The following PLAAT5 variants were observed in gnomAD, a reference collection of about 807,000 sequenced individuals.
PLAAT5 encodes the protein Ca(2+)-independent N-acyltransferase.
A neutral mutation model predicts 27.8 loss-of-function variants in PLAAT5; 27 were observed. The ratio of observed to expected loss-of-function variants is 0.97; its 90% CI spans 0.72 to 1.34. The LOEUF (loss-of-function observed/expected upper bound fraction) is 1.34. Among genes scored for constraint, PLAAT5 ranks in the 40% most tolerant of loss-of-function variants. The pLI, the probability that PLAAT5 is intolerant of heterozygous loss-of-function variation, is 0.00. For synonymous variants in PLAAT5, 125 were observed against 136.1 expected (o/e 0.92, Z 0.57); for missense variants, 368 against 343.8 (o/e 1.07, Z -0.56).
intron 3 of PLAAT5, among the ~76,000 whole-genome samples, chr11:63,477,631 A>C (rs1355000587): frequency 6.6e-6 from 1 of 152,084 alleles, no homozygotes. Context: ...GCCTGCCACC[A>C]TGCACAGCTA....
rs1175679278 is a variant in PLAAT5, at chr11:63,466,093, A to G, written c.717+17T>C. 1 of 1,610,508 alleles carries G rather than the reference A, an allele frequency of 6.2e-7. No individual in the cohort carries two copies. Among genetic ancestry groups the G allele is most frequent in the Non-Finnish European group, 8.5e-7 (1 of 1,178,064 alleles). ...AAGCTCTGGAAGAAGCCATCATCAG[A>G]GCAAATGGGGTCACACCTGCTGGCT... On this transcript the variant is annotated intron_variant, in intron 5 of 5. Coordinates refer to ENST00000540857, the MANE Select transcript of PLAAT5 (RefSeq NM_001146729.2).
Position 63,463,574 on chromosome 11 carries a change from C to A in PLAAT5, c.739G>T (p.Gly247Ter). ...SQQVEHALME[G>*]AKAAGAVISA... ...ATAACTGCTCCAGCAGCCTTCGCTCCTTCCATCAGGGCGTGCTCTACCTGC... is the reference window on the plus strand; with the variant it reads ...ATAACTGCTCCAGCAGCCTTCGCTCATTCCATCAGGGCGTGCTCTACCTGC... The change falls in exon 6 of 6, where the codon GGA becomes TGA. Residue 247 changes from glycine to a stop codon, truncating the protein, a stop_gained. Coordinates refer to ENST00000540857, the MANE Select transcript of PLAAT5 (RefSeq NM_001146729.2). LOFTEE classifies it high-confidence loss of function. 6.2e-7 allele frequency: 1 copy of A among 1,613,750 alleles called. No individual in the cohort carries two copies. Among genetic ancestry groups the A allele is most frequent in the Non-Finnish European group, 8.5e-7 (1 of 1,179,988 alleles).
intron 3 of PLAAT5, among the ~76,000 whole-genome samples, chr11:63,483,533 A>G (rs569117456): frequency 5.3e-5 from 8 of 151,568 alleles, no homozygotes; most frequent in African/African-American, 1.9e-4. Flanking sequence ...AAATCAAGAC[A>G]GAAATTTAAA....
rs759441269 is a variant in PLAAT5, at chr11:63,490,915, C to A, written c.120G>T (p.Ala40=). 1.2e-6 allele frequency: 2 copies of A among 1,602,120 alleles called. No individual in the cohort carries two copies. Among genetic ancestry groups the A allele is most frequent in the Non-Finnish European group, 1.7e-6 (2 of 1,174,674 alleles). ...ASTGPKDQPP[A]LRRSAVPHSE... The stretch of plus-strand genomic sequence containing the variant: ...AGTGGGGCACAGCTGAACGTCTGAG[C>A]GCAGGCGGCTGGTCCTTGGGCCCGG... The change falls in exon 1 of 6, where the codon GCG becomes GCT. Residue 40 remains alanine, a synonymous_variant. Coordinates refer to ENST00000540857, the MANE Select transcript of PLAAT5 (RefSeq NM_001146729.2).
At chr11:63,478,642 A>G (rs1343044885) in intron 3 of PLAAT5, among the ~76,000 whole-genome samples, 2 of 152,342 alleles carry the variant, frequency 1.3e-5, no homozygotes, top group East Asian at 1.9e-4. Flanking sequence ...AACCCTTCTC[A>G]ATCTGTTGTA....
intron 3 of PLAAT5, among the ~76,000 whole-genome samples, chr11:63,483,531 AC>A (rs2016334129): frequency 1.3e-5 from 2 of 151,534 alleles, no homozygotes; most frequent in African/African-American, 4.8e-5. Context: ...TGAAATCAAG[AC>A]AGAAATTTAA....
chr11:63,467,302 G>A (rs1048524303), intron 4 of PLAAT5, among the ~76,000 whole-genome samples: 1 of 152,288 alleles, frequency 6.6e-6, no homozygotes, highest in South Asian at 2.1e-4. Flanking sequence ...TATCTCTGTG[G>A]TTGTACAAGA....
chr11:63,481,962 T>G lies in PLAAT5; in HGVS notation c.345+6909A>C, dbSNP rs543247975. Among the ~76,000 whole-genome samples the G allele has an allele frequency of 2.0e-5, 3 of 152,252 alleles. No homozygotes were observed. In the South Asian group the frequency reaches 6.2e-4, roughly 32 times the overall value. ...AGGAGACATACCTAATGCTAAATGA[T>G]GAGTTAATAGGTGCAGCGCACCAAC... On this transcript the variant is annotated intron_variant, in intron 3 of 5. Coordinates refer to ENST00000540857, the MANE Select transcript of PLAAT5 (RefSeq NM_001146729.2).
intron 3 of PLAAT5, among the ~76,000 whole-genome samples, chr11:63,478,606 C>T (rs1435919085): frequency 6.6e-6 from 1 of 152,214 alleles, no homozygotes; most frequent in Non-Finnish European, 1.5e-5. Flanking sequence ...AGCCCACGCC[C>T]GACCACGGAT....
At chr11:63,482,132 A>C (rs1002671741) in intron 3 of PLAAT5, among the ~76,000 whole-genome samples, 20 of 152,232 alleles carry the variant, frequency 1.3e-4, no homozygotes, top group African/African-American at 4.6e-4. Flanking sequence ...CAAATGACCA[A>C]AACTAAAAAT....
rs777307303 is a variant in PLAAT5, at chr11:63,490,861, CCTTCAGCCGCATTCTTGGGG to C, written c.148+6_148+25del. On this transcript the variant is annotated splice_donor_region_variant and intron_variant, in intron 1 of 5. Transcript: ENST00000540857. ...GACCTGAAGGACAATTGCGGATTGTCCTTCAGCCGCATTCTTGGGGCTGACCTGAGTGGGGCACAGCTGAA... is the reference window on the plus strand; with the variant it reads ...GACCTGAAGGACAATTGCGGATTGTCCTGACCTGAGTGGGGCACAGCTGAA... 19 of 1,587,462 alleles carry C rather than the reference CCTTCAGCCGCATTCTTGGGG, an allele frequency of 1.2e-5. 1 individual carries two copies. In the South Asian group the frequency reaches 2.2e-4, roughly 18 times the overall value.
At chr11:63,489,815 G>A (rs990992559) in intron 2 of PLAAT5, among the ~76,000 whole-genome samples, 49 of 152,172 alleles carry the variant, frequency 3.2e-4, no homozygotes, top group Admixed American at 1.6e-3. Flanking sequence ...TGGGGCAGAG[G>A]GGACACCCCT....
At chr11:63,490,156 C>T in intron 2 of PLAAT5, 87 bp downstream of exon 2, 1 of 1,584,112 alleles carries the variant, frequency 6.3e-7, no homozygotes, top group Non-Finnish European at 8.6e-7. Context: ...AAAACCACCT[C>T]TGGGTTTGTT....
intron 3 of PLAAT5, among the ~76,000 whole-genome samples, chr11:63,487,097 T>C: frequency 6.6e-6 from 1 of 152,324 alleles, no homozygotes; most frequent in South Asian, 2.1e-4. Flanking sequence ...ATTTCCGTTT[T>C]ATAAAAGGAA....
chr11:63,463,499 A>G lies in PLAAT5; in HGVS notation c.*4T>C. Reference sequence around the variant, plus strand: ...TCTTCCTCTAGCTGGAGTTTTCATCACCTTCAGGCAGTTATTGGTTTGGGC... The same window carrying G: ...TCTTCCTCTAGCTGGAGTTTTCATCGCCTTCAGGCAGTTATTGGTTTGGGC... On this transcript the variant is annotated 3_prime_UTR_variant, in exon 6 of 6. Transcript: ENST00000540857. The G allele has an allele frequency of 2.5e-6, 4 of 1,609,458 alleles. No homozygotes were observed. The highest frequency in any genetic ancestry group is 3.4e-6 in the Non-Finnish European group (4 of 1,176,334).
intron 3 of PLAAT5, among the ~76,000 whole-genome samples, chr11:63,481,779 C>G (rs1035176722): frequency 3.3e-5 from 5 of 152,232 alleles, no homozygotes; most frequent in African/African-American, 9.6e-5. Flanking sequence ...AGCTGGAAAC[C>G]ATCATTCTCA....
intron 3 of PLAAT5, among the ~76,000 whole-genome samples, chr11:63,483,644 C>T (rs1323076753): frequency 2.4e-5 from 2 of 82,870 alleles, no homozygotes; most frequent in Admixed American, 1.3e-4. Context: ...TAAATGCCTA[C>T]ACCAAAAAAA....
At position 63,490,868 on chromosome 11, in the gene PLAAT5, C is replaced by CTTATGAAAAAGTACATGGAATA; in HGVS notation, c.148+18_148+19insTATTCCATGTACTTTTTCATAA. 6.3e-7 allele frequency: 1 copy of CTTATGAAAAAGTACATGGAATA among 1,593,104 alleles called. No homozygotes were observed. The highest frequency in any genetic ancestry group is 8.5e-7 in the Non-Finnish European group (1 of 1,170,756). On this transcript the variant is annotated intron_variant, in intron 1 of 5. Coordinates refer to ENST00000540857, the MANE Select transcript of PLAAT5 (RefSeq NM_001146729.2). ...AGGACAATTGCGGATTGTCCTTCAG[C>CTTATGAAAAAGTACATGGAATA]CGCATTCTTGGGGCTGACCTGAGTG...
At position 63,463,416 on chromosome 11, in the gene PLAAT5, G is replaced by A. The variant is rs922969986; in HGVS notation, c.*87C>T. The A allele has an allele frequency of 2.5e-5, 24 of 962,620 alleles. No homozygotes were observed. The highest frequency in any genetic ancestry group is 7.2e-5 in the East Asian group (3 of 41,686). 59.6% of individuals were successfully genotyped at this position (962,620 alleles called of 1,614,324 possible). A position where few individuals can be genotyped will look rare whatever the true frequency, so the allele number is the denominator to read the frequency against. Reference sequence around the variant, plus strand: ...CCAGAAGTTCACAATTTTCTTAATCGGAGCCATTGAGAGAAGGCAAGGGAA... The same window carrying A: ...CCAGAAGTTCACAATTTTCTTAATCAGAGCCATTGAGAGAAGGCAAGGGAA... On this transcript the variant is annotated 3_prime_UTR_variant, in exon 6 of 6. Coordinates refer to ENST00000540857, the MANE Select transcript of PLAAT5 (RefSeq NM_001146729.2).
Sources: allele counts gnomAD v4.1 joint callset (sites outside exome capture counted in the v4.1 genomes callset), GRCh38; gene constraint gnomAD v4.1.1; transcripts MANE v1.5; gene names NCBI Gene and HGNC (gene_info 2026-07-23, HGNC 2026-07-21).